Variants in MYO16 observed in about 807,000 individuals in gnomAD.
The protein encoded by MYO16 is myosin XVI, also known as unconventional myosin-XVI.
A neutral mutation model predicts 205.3 loss-of-function variants in MYO16; 94 were observed. That is an observed-to-expected ratio of 0.46 (90% CI 0.39 to 0.54). The LOEUF (loss-of-function observed/expected upper bound fraction) is 0.54. MYO16 is among the 20% of genes least tolerant of loss of function. The pLI is 0.00. For missense variants in MYO16, 2,315 were observed against 2,387.5 expected, an observed-to-expected ratio of 0.97 and a Z score of 0.63; for synonymous variants, 988 against 954.0, an observed-to-expected ratio of 1.04 and a Z score of -0.66.
chr13:109,028,894 C>T (rs990156511), intron 23 of MYO16, among the ~76,000 whole-genome samples: 3 of 150,082 alleles, frequency 2.0e-5, no homozygotes, highest in South Asian at 2.1e-4. Flanking sequence ...ATTTGTAGCC[C>T]GTCTGTAAAA....
intron 27 of MYO16, among the ~76,000 whole-genome samples, chr13:109,058,168 C>A (rs1887474172): frequency 6.6e-6 from 1 of 152,070 alleles, no homozygotes; most frequent in African/African-American, 2.4e-5. Flanking sequence ...ACTTTGAGAA[C>A]CCCTGGCATG....
At chr13:108,714,009 T>C (rs576227554) in intron 3 of MYO16, among the ~76,000 whole-genome samples, 6 of 152,286 alleles carry the variant, frequency 3.9e-5, no homozygotes, top group African/African-American at 1.4e-4. Context: ...TTCCATAGAT[T>C]AATATTCTCT....
chr13:108,523,664 C>G, the MYO16 span, among the ~76,000 whole-genome samples: 3 of 152,174 alleles, frequency 2.0e-5, no homozygotes, highest in African/African-American at 7.2e-5. Context: ...GGTCTCAGCT[C>G]TGGAAGACTT....
intron 31 of MYO16, among the ~76,000 whole-genome samples, chr13:109,137,964 C>A (rs1363014270): frequency 6.6e-6 from 1 of 152,202 alleles, no homozygotes; most frequent in Non-Finnish European, 1.5e-5. Context: ...AGAACTCACT[C>A]ATTTGGTGTA....
chr13:108,998,044 T>C (rs1885093587), intron 21 of MYO16, among the ~76,000 whole-genome samples: 1 of 152,222 alleles, frequency 6.6e-6, no homozygotes, highest in South Asian at 2.1e-4. Flanking sequence ...CTTTGACTTC[T>C]AAAGTTTTAT....
At chr13:108,831,451 C>T (rs927393509) in intron 9 of MYO16, among the ~76,000 whole-genome samples, 16 of 152,146 alleles carry the variant, frequency 1.1e-4, no homozygotes, top group African/African-American at 3.6e-4. Flanking sequence ...CTATTGCCTT[C>T]CTTCTTGGTA....
At chr13:108,759,698 A>G (rs61971100) in intron 4 of MYO16, among the ~76,000 whole-genome samples, 14,626 of 149,946 alleles carry the variant, frequency 0.098, 996 homozygotes, top group Non-Finnish European at 0.15. Context: ...GCAGGCGCCT[A>G]TAGTCCCAGC....
intron 23 of MYO16, among the ~76,000 whole-genome samples, chr13:109,031,160 C>T (rs1318988374): frequency 2.0e-5 from 3 of 152,094 alleles, no homozygotes; most frequent in African/African-American, 4.8e-5. Flanking sequence ...GGCGCGATCT[C>T]GGCTCACTGA....
intron 9 of MYO16, among the ~76,000 whole-genome samples, chr13:108,824,022 G>T (rs956445523): frequency 2.0e-5 from 3 of 152,022 alleles, no homozygotes; most frequent in African/African-American, 4.8e-5. Context: ...AGCAAACATT[G>T]TCAGGTAGAG....
At chr13:108,611,965 TTTTTTTC>T (rs1456203217) in intron 1 of MYO16, among the ~76,000 whole-genome samples, 4 of 141,438 alleles carry the variant, frequency 2.8e-5, no homozygotes, top group African/African-American at 1.0e-4. Flanking sequence ...ATTCTTTTTT[TTTTTTTC>T]TTTTTTTTTT....
intron 23 of MYO16, among the ~76,000 whole-genome samples, chr13:109,042,777 G>C (rs2139583459): frequency 6.6e-6 from 1 of 152,114 alleles, no homozygotes; most frequent in East Asian, 1.9e-4. Flanking sequence ...AGAATGTAAA[G>C]AGCTTGTCTG....
chr13:108,777,777 G>A (rs576481707), intron 4 of MYO16, among the ~76,000 whole-genome samples: 5 of 152,134 alleles, frequency 3.3e-5, no homozygotes, highest in African/African-American at 7.2e-5. Context: ...GTCTAATGTT[G>A]TAAGAATCCA....
At chr13:108,825,075 T>C (rs577511834) in intron 9 of MYO16, among the ~76,000 whole-genome samples, 16 of 151,998 alleles carry the variant, frequency 1.1e-4, no homozygotes, top group South Asian at 2.1e-4. Context: ...ATTACCCGGA[T>C]ACAAAAATCA....
At chr13:109,008,324 G>A (rs1885467296) in intron 21 of MYO16, among the ~76,000 whole-genome samples, 1 of 151,944 alleles carries the variant, frequency 6.6e-6, no homozygotes, top group Non-Finnish European at 1.5e-5. Context: ...TATATCTTGT[G>A]TATGCACTAC....
the MYO16 span, among the ~76,000 whole-genome samples, chr13:108,547,488 A>G: frequency 2.0e-5 from 3 of 152,098 alleles, no homozygotes; most frequent in Admixed American, 2.0e-4. Flanking sequence ...ATGTCACTGA[A>G]CAGAGTTGGG....
chr13:109,109,295 A>G (rs991892952), intron 28 of MYO16, among the ~76,000 whole-genome samples: 4 of 152,210 alleles, frequency 2.6e-5, no homozygotes, highest in East Asian at 1.9e-4. Context: ...CTCAAGAACC[A>G]GTTGTACCCA....
intron 2 of MYO16, among the ~76,000 whole-genome samples, chr13:108,680,180 C>G (rs1407844577): frequency 1.3e-5 from 2 of 152,160 alleles, no homozygotes; most frequent in African/African-American, 4.8e-5. Context: ...TCATTGGATC[C>G]AGAACTCACA....
intron 6 of MYO16, among the ~76,000 whole-genome samples, chr13:108,794,902 T>C (rs535832364): frequency 6.6e-6 from 1 of 152,172 alleles, no homozygotes; most frequent in Non-Finnish European, 1.5e-5. Context: ...AGACAGTTGA[T>C]AAGGAAAGTG....
chr13:108,836,868 A>G (rs1013403764), intron 9 of MYO16, among the ~76,000 whole-genome samples: 2 of 152,148 alleles, frequency 1.3e-5, no homozygotes, highest in Admixed American at 1.3e-4. Context: ...TTGCTTTCAA[A>G]TTTACAGGCT....
Sources: gnomAD v4.1 joint callset for allele counts (sites outside exome capture counted in the v4.1 genomes callset) on GRCh38, gnomAD v4.1.1 for gene constraint, MANE v1.5 for transcripts, NCBI Gene and HGNC (gene_info 2026-07-23, HGNC 2026-07-21) for gene names.